The following ADAMTS12 variants were observed in gnomAD, a reference collection of about 807,000 sequenced individuals.
The protein encoded by ADAMTS12 is A disintegrin and metalloproteinase with thrombospondin motifs 12.
A neutral mutation model predicts 167.8 loss-of-function variants in ADAMTS12; 118 were observed. The observed-to-expected ratio is 0.70, with a 90% CI of 0.61 to 0.82. ADAMTS12 has a LOEUF of 0.82. Among genes scored for constraint, ADAMTS12 ranks in the 40% least tolerant of loss-of-function variants. The pLI, the probability that ADAMTS12 is intolerant of heterozygous loss-of-function variation, is 0.00. For missense variants in ADAMTS12, 1,916 were observed against 1,998.8 expected, an observed-to-expected ratio of 0.96 and a Z score of 0.79; for synonymous variants, 704 against 716.9, an observed-to-expected ratio of 0.98 and a Z score of 0.29.
intron 16 of ADAMTS12, among the ~76,000 whole-genome samples, chr5:33,607,671 T>C (rs1738515611): frequency 6.6e-6 from 1 of 152,202 alleles, no homozygotes; most frequent in East Asian, 1.9e-4. Flanking sequence ...TTTTTGTGTG[T>C]TATCTCTGAT....
chr5:33,587,957 G>A (rs762380850), intron 18 of ADAMTS12, among the ~76,000 whole-genome samples: 1 of 152,208 alleles, frequency 6.6e-6, no homozygotes. Context: ...AATGCCTGAT[G>A]AAACCAGATT....
intron 22 of ADAMTS12, among the ~76,000 whole-genome samples, chr5:33,539,564 A>T (rs1744583154): frequency 6.6e-6 from 1 of 152,122 alleles, no homozygotes; most frequent in African/African-American, 2.4e-5. Context: ...TCTCTTTTGA[A>T]AGTATTTAAT....
chr5:33,692,193 G>T (rs1376979105), intron 3 of ADAMTS12, among the ~76,000 whole-genome samples: 1 of 152,116 alleles, frequency 6.6e-6, no homozygotes, highest in African/African-American at 2.4e-5. Context: ...GCTAAATTCT[G>T]ACCAATAAGA....
chr5:33,545,717 T>C (rs1160785033), intron 22 of ADAMTS12, among the ~76,000 whole-genome samples: 1 of 152,042 alleles, frequency 6.6e-6, no homozygotes, highest in Non-Finnish European at 1.5e-5. Context: ...TGTAGGGACA[T>C]GGATGAAGTT....
chr5:33,532,488 T>G (rs57726760), intron 23 of ADAMTS12, among the ~76,000 whole-genome samples: 23 of 145,604 alleles, frequency 1.6e-4, no homozygotes, highest in East Asian at 5.8e-4. Flanking sequence ...TTTTTTTTTT[T>G]GGCCTTTTCT....
intron 18 of ADAMTS12, 134 bp from the exon 19 acceptor site, chr5:33,577,294 T>C (rs1746809764): frequency 7.7e-7 from 1 of 1,296,500 alleles, no homozygotes; most frequent in Non-Finnish European, 1.1e-6. Context: ...CTACATTTGG[T>C]TTCTGTGCTC....
At chr5:33,717,207 G>A (rs150519985) in intron 3 of ADAMTS12, among the ~76,000 whole-genome samples, 9 of 151,936 alleles carry the variant, frequency 5.9e-5, no homozygotes, top group African/African-American at 2.2e-4. Flanking sequence ...TCCTAGCATC[G>A]TGACGGATTT....
intron 10 of ADAMTS12, among the ~76,000 whole-genome samples, chr5:33,642,828 A>G (rs1360208993): frequency 6.6e-6 from 1 of 152,152 alleles, no homozygotes; most frequent in Non-Finnish European, 1.5e-5. Flanking sequence ...CTGCATAAAG[A>G]TGCCCACAAA....
chr5:33,853,742 G>A (rs1197992294), intron 2 of ADAMTS12, among the ~76,000 whole-genome samples: 1 of 152,186 alleles, frequency 6.6e-6, no homozygotes. Flanking sequence ...AACTCAAATA[G>A]AATTAGTGTC....
chr5:33,811,053 A>C (rs1477816682), intron 2 of ADAMTS12, among the ~76,000 whole-genome samples: 2 of 152,174 alleles, frequency 1.3e-5, no homozygotes, highest in Non-Finnish European at 2.9e-5. Flanking sequence ...TGAAGACCAA[A>C]ATATAAGTCT....
At chr5:33,860,418 T>C (rs1403259212) in intron 2 of ADAMTS12, among the ~76,000 whole-genome samples, 6 of 151,864 alleles carry the variant, frequency 4.0e-5, no homozygotes, top group East Asian at 1.9e-4. Context: ...ATATCAGAGA[T>C]TGAAGATCAA....
At chr5:33,813,401 T>G (rs1316229084) in intron 2 of ADAMTS12, among the ~76,000 whole-genome samples, 1 of 152,238 alleles carries the variant, frequency 6.6e-6, no homozygotes, top group East Asian at 1.9e-4. Flanking sequence ...TCAAGTTGTC[T>G]GTGAATCTTT....
chr5:33,863,642 T>C (rs1380140850), intron 2 of ADAMTS12, among the ~76,000 whole-genome samples: 3 of 152,188 alleles, frequency 2.0e-5, no homozygotes, highest in Non-Finnish European at 4.4e-5. Flanking sequence ...AAGTAATTTA[T>C]AGATTCAATG....
At chr5:33,879,977 G>C (rs757015767) in intron 2 of ADAMTS12, among the ~76,000 whole-genome samples, 37 of 152,208 alleles carry the variant, frequency 2.4e-4, no homozygotes, top group Non-Finnish European at 5.3e-4. Flanking sequence ...CCAAAAACAC[G>C]GACTCCTCCA....
chr5:33,736,402 T>A (rs1744376774), intron 3 of ADAMTS12, among the ~76,000 whole-genome samples: 1 of 152,222 alleles, frequency 6.6e-6, no homozygotes, highest in South Asian at 2.1e-4. Context: ...TGGCATATTT[T>A]CCATAACCCA....
chr5:33,876,515 AC>A (rs1750232945), intron 2 of ADAMTS12, among the ~76,000 whole-genome samples: 1 of 152,202 alleles, frequency 6.6e-6, no homozygotes, highest in South Asian at 2.1e-4. Flanking sequence ...ACTTAATGAA[AC>A]AAAAACAGCC....
At chr5:33,627,321 T>C (rs1739703423) in intron 13 of ADAMTS12, among the ~76,000 whole-genome samples, 1 of 147,328 alleles carries the variant, frequency 6.8e-6, no homozygotes, top group Non-Finnish European at 1.5e-5. Flanking sequence ...GTGGTGGGGA[T>C]GGTTGGGTGA....
chr5:33,693,805 G>A (rs1311403987), intron 3 of ADAMTS12, among the ~76,000 whole-genome samples: 1 of 152,072 alleles, frequency 6.6e-6, no homozygotes, highest in African/African-American at 2.4e-5. Flanking sequence ...ACAGTACTGG[G>A]AGTCTTAGCC....
At chr5:33,841,058 C>T (rs2111595918) in intron 2 of ADAMTS12, among the ~76,000 whole-genome samples, 1 of 152,262 alleles carries the variant, frequency 6.6e-6, no homozygotes, top group Middle Eastern at 3.4e-3. Context: ...GCTGCTCCCA[C>T]CCTTAGCTCT....
Sources: gnomAD v4.1 joint callset for allele counts (sites outside exome capture counted in the v4.1 genomes callset) on GRCh38, gnomAD v4.1.1 for gene constraint, MANE v1.5 for transcripts, NCBI Gene and HGNC (gene_info 2026-07-23, HGNC 2026-07-21) for gene names.